R3HDM2: variants seen among roughly 807,000 people sequenced by gnomAD.
R3HDM2 encodes R3H domain-containing protein 2.
Under a neutral mutation model 124.5 loss-of-function variants are expected in R3HDM2, and 38 were observed. That is an observed-to-expected ratio of 0.31 (90% CI 0.24 to 0.40). The LOEUF is 0.40. R3HDM2 is among the 10% of genes least tolerant of loss of function. The probability of loss-of-function intolerance (pLI) is 1.00; values close to 1 mark genes in which losing one functional copy is unlikely to be tolerated. For synonymous variants in R3HDM2, 391 were observed against 448.0 expected (o/e 0.87, Z 1.61); for missense variants, 869 against 1,236.9 (o/e 0.70, Z 4.46).
At chr12:57,330,076 C>G (rs1301156322) in intron 2 of R3HDM2, among the ~76,000 whole-genome samples, 14 of 152,036 alleles carry the variant, frequency 9.2e-5, no homozygotes, top group Admixed American at 8.5e-4. Flanking sequence ...AAGTGATTCT[C>G]CTGTTTCAGC....
At chr12:57,384,015 G>C (rs2065297896) in intron 2 of R3HDM2, among the ~76,000 whole-genome samples, 1 of 152,186 alleles carries the variant, frequency 6.6e-6, no homozygotes, top group Non-Finnish European at 1.5e-5. Flanking sequence ...TTCAGAAGGA[G>C]GGAATACTTA....
intron 2 of R3HDM2, among the ~76,000 whole-genome samples, chr12:57,374,683 T>TAAAAA (rs56197858): frequency 3.6e-5 from 1 of 28,092 alleles, no homozygotes; most frequent in East Asian, 9.9e-4. Context: ...AATTCTATCT[T>TAAAAA]AAAAAAAAAA....
At chr12:57,299,767 G>C (rs759297580) in intron 5 of R3HDM2, among the ~76,000 whole-genome samples, 3 of 152,122 alleles carry the variant, frequency 2.0e-5, no homozygotes, top group Non-Finnish European at 4.4e-5. Context: ...GTACACATAA[G>C]AAAATAAGAT....
Position 57,383,626 on chromosome 12 carries a change from T to G in R3HDM2, c.-36+12123A>C, listed in dbSNP as rs1325038158. Among the ~76,000 whole-genome samples, 6 of 152,050 alleles carry G rather than the reference T, an allele frequency of 3.9e-5. 1 individual carries two copies. The South Asian group carries it at 1.2e-3, about 32-fold the overall frequency. On this transcript the variant is annotated intron_variant, in intron 2 of 23. Transcript: ENST00000402412. ...GGGAGGCTGAGGCAGGAGAAACGCT[T>G]GAACCCAGGAGGTGGAGGTTGCGGT...
chr12:57,309,794 C>T (rs927500076), intron 3 of R3HDM2, among the ~76,000 whole-genome samples: 1 of 152,208 alleles, frequency 6.6e-6, no homozygotes, highest in Non-Finnish European at 1.5e-5. Flanking sequence ...CCTTTTTAGA[C>T]TTCATTGTGG....
intron 2 of R3HDM2, among the ~76,000 whole-genome samples, chr12:57,336,744 T>C (rs780243657): frequency 6.6e-6 from 1 of 151,268 alleles, no homozygotes; most frequent in Admixed American, 6.6e-5. Context: ...CAAAATAATA[T>C]GTATAACAAA....
chr12:57,269,433 T>C lies in R3HDM2; in HGVS notation c.1604A>G (p.Tyr535Cys), dbSNP rs193300034. The C allele has an allele frequency of 1.9e-6, 3 of 1,614,046 alleles. No individual in the cohort carries two copies. The highest frequency in any genetic ancestry group is 2.2e-5 in the East Asian group (1 of 44,870). ...GGAGTTAGGATATTGTCCAGGGGGA[T>C]AGTAAGAAACCTGGATCTATGGTGA... ...QPPQQIQVSY[Y>C]PPGQYPNSNQ... The change falls in exon 16 of 24, where the codon TAT becomes TGT. Residue 535 changes from tyrosine to cysteine, a missense_variant. Coordinates refer to ENST00000402412, the MANE Select transcript of R3HDM2 (RefSeq NM_001394031.1).
At chr12:57,422,667 C>T (rs995590801) in intron 1 of R3HDM2, among the ~76,000 whole-genome samples, 2 of 152,072 alleles carry the variant, frequency 1.3e-5, no homozygotes, top group African/African-American at 4.8e-5. Context: ...CAGAAACTTT[C>T]AGGAAAATGA....
chr12:57,353,562 G>T (rs576417778), intron 2 of R3HDM2, among the ~76,000 whole-genome samples: 8 of 152,010 alleles, frequency 5.3e-5, no homozygotes, highest in Non-Finnish European at 1.0e-4. Flanking sequence ...GAATATCTGG[G>T]TTGTTTCCCA....
At chr12:57,395,320 C>A (rs1170024176) in intron 2 of R3HDM2, among the ~76,000 whole-genome samples, 2 of 151,936 alleles carry the variant, frequency 1.3e-5, no homozygotes, top group African/African-American at 4.8e-5. Context: ...GCCTGACCAA[C>A]ACGGAGAAAC....
intron 6 of R3HDM2, 86 bp from the exon 7 acceptor site, chr12:57,298,254 C>A (rs1364503584): frequency 9.5e-7 from 1 of 1,057,240 alleles, no homozygotes; most frequent in Admixed American, 2.6e-5. Flanking sequence ...ACAACCTAAC[C>A]AGGAGAAAAA....
At chr12:57,320,521 T>C (rs2056258751) in intron 2 of R3HDM2, among the ~76,000 whole-genome samples, 1 of 152,032 alleles carries the variant, frequency 6.6e-6, no homozygotes, top group African/African-American at 2.4e-5. Flanking sequence ...GTACATTTCA[T>C]CCAGCCAAAT....
Position 57,371,931 on chromosome 12 carries a change from G to A in R3HDM2, c.-36+23818C>T, listed in dbSNP as rs146368557. Among the ~76,000 whole-genome samples the A allele has an allele frequency of 1.3e-3, 192 of 152,256 alleles. 1 individual carries two copies. Among genetic ancestry groups the A allele is most frequent in the African/African-American group, 4.3e-3 (180 of 41,550 alleles). ...TGCCCAGGCTGGAGTGCAATGGTGC[G>A]GTCTCGGCTCACTATAACCTCCGCC... is the stretch of plus-strand genomic sequence containing the variant. On this transcript the variant is annotated intron_variant, in intron 2 of 23. Coordinates refer to ENST00000402412, the MANE Select transcript of R3HDM2 (RefSeq NM_001394031.1).
At chr12:57,422,232 T>A (rs1021290509) in intron 1 of R3HDM2, among the ~76,000 whole-genome samples, 2 of 151,760 alleles carry the variant, frequency 1.3e-5, no homozygotes, top group African/African-American at 4.9e-5. Flanking sequence ...TATTTTCCAA[T>A]CCAGTCTCCA....
intron 1 of R3HDM2, among the ~76,000 whole-genome samples, chr12:57,427,390 C>G (rs567848009): frequency 3.1e-4 from 46 of 148,512 alleles, no homozygotes; most frequent in Non-Finnish European, 3.9e-4. Flanking sequence ...CAGTCTGTTG[C>G]CCAGGCTGGA....
intron 14 of R3HDM2, chr12:57,272,345 C>G: frequency 2.2e-6 from 2 of 920,926 alleles, no homozygotes; most frequent in South Asian, 2.9e-5. Context: ...TTTCAATATG[C>G]CCTCCAAAAG....
intron 9 of R3HDM2, 34 bp from the exon 10 acceptor site, chr12:57,295,541 G>T: frequency 6.8e-7 from 1 of 1,468,136 alleles, no homozygotes; most frequent in Non-Finnish European, 9.3e-7. Context: ...AAGGAAAGGA[G>T]GACAAAGACC....
intron 2 of R3HDM2, among the ~76,000 whole-genome samples, chr12:57,319,062 A>C (rs1380504222): frequency 6.6e-6 from 1 of 152,150 alleles, no homozygotes; most frequent in East Asian, 1.9e-4. Context: ...CATAACTGTA[A>C]GGGTATTTAG....
intron 1 of R3HDM2, among the ~76,000 whole-genome samples, chr12:57,428,295 CAT>C: frequency 6.6e-6 from 1 of 152,028 alleles, no homozygotes; most frequent in South Asian, 2.1e-4. Flanking sequence ...GGCCAGTGTG[CAT>C]GTTAGGGGAA....
Sources: gnomAD v4.1 joint callset for allele counts (sites outside exome capture counted in the v4.1 genomes callset) on GRCh38, gnomAD v4.1.1 for gene constraint, MANE v1.5 for transcripts, NCBI Gene and HGNC (gene_info 2026-07-23, HGNC 2026-07-21) for gene names.